CNTN2: variants seen among roughly 807,000 people sequenced by gnomAD.
The protein encoded by CNTN2 is contactin-2.
In CNTN2, 53 loss-of-function variants were observed where a neutral mutation model predicts 117.5. That is an observed-to-expected ratio of 0.45 (90% CI 0.36 to 0.57). The LOEUF (loss-of-function observed/expected upper bound fraction) is 0.57, where lower values mean the gene tolerates loss of function less well. Ranked by LOEUF, CNTN2 falls within the 20% of genes least tolerant of loss-of-function variation. CNTN2 has a pLI of 0.00. For synonymous variants in CNTN2, 530 were observed against 561.7 expected (o/e 0.94, Z 0.80); for missense variants, 1,106 against 1,404.3 (o/e 0.79, Z 3.39).
Position 205,077,722 on chromosome 1 carries a change from C to T in CNTN2, c.*3957C>T, listed in dbSNP as rs910497401. ...AGCTTTGGCCACAGCCCCAGGCAGC[C>T]TTTGGGGCCTATGACACTTAGTGCC... On this transcript the variant is annotated 3_prime_UTR_variant, in exon 23 of 23. Coordinates refer to ENST00000331830, the MANE Select transcript of CNTN2 (RefSeq NM_005076.5). The T allele has an allele frequency of 6.6e-6, 1 of 152,298 alleles. No homozygotes were observed. The highest frequency in any genetic ancestry group is 2.4e-5 in the African/African-American group (1 of 41,444). The allele number at this position is 152,298 out of a possible 1,614,324, so 9.4% of individuals were successfully genotyped here. A position where few individuals can be genotyped will look rare whatever the true frequency, so the allele number is the denominator to read the frequency against.
Position 205,059,846 on chromosome 1 carries a change from C to A in CNTN2, c.797+164C>A, listed in dbSNP as rs871423. On this transcript the variant is annotated intron_variant, in intron 7 of 22. Coordinates refer to ENST00000331830, the MANE Select transcript of CNTN2 (RefSeq NM_005076.5). The surrounding 1 kb of genome is among the most constrained non-coding windows in gnomAD (Gnocchi z 5.6). ...ATCGACCACCACTCACTGGACAGTA[C>A]CTCTCTGGGTGAGGCATCGCATATG... The A allele has an allele frequency of 0.21, 129,010 of 615,484 alleles. 17,101 individuals carry two copies. Among genetic ancestry groups the A allele is most frequent in the East Asian group, 0.48 (17,433 of 36,072 alleles). The allele number at this position is 615,484 out of a possible 1,614,324, so 38.1% of individuals were successfully genotyped here.
At position 205,061,239 on chromosome 1, in the gene CNTN2, T is replaced by C. The variant is rs1653961485; in HGVS notation, c.798-6T>C. Reference sequence around the variant, plus strand: ...CCACACCCTCTGGCTTTGTCTCTCCTGCCAGCCCTGTCCCCCGGATCAAGT... The same window carrying C: ...CCACACCCTCTGGCTTTGTCTCTCCCGCCAGCCCTGTCCCCCGGATCAAGT... On this transcript the variant is annotated splice_region_variant and splice_polypyrimidine_tract_variant and intron_variant, in intron 7 of 22. Coordinates refer to ENST00000331830, the MANE Select transcript of CNTN2 (RefSeq NM_005076.5). The surrounding 1 kb of genome is among the most constrained non-coding windows in gnomAD (Gnocchi z 4.8). 3 of 1,602,796 alleles carry C rather than the reference T, an allele frequency of 1.9e-6. No individual in the cohort carries two copies. In the East Asian group the frequency reaches 6.7e-5, roughly 36 times the overall value.
chr1:205,050,362 C>T (rs1359970872), intron 1 of CNTN2, among the ~76,000 whole-genome samples: 1 of 151,588 alleles, frequency 6.6e-6, no homozygotes, highest in Non-Finnish European at 1.5e-5. Flanking sequence ...CCAGGAAGAA[C>T]GGAAGACCTG....
In CNTN2 at chr1:205,058,572, G is replaced by A; in HGVS notation, c.396G>A (p.Leu132=). ...GCCCCTGGTCTCTGCCTCCAGTTCTGCAGGAATTCTCCAAGGAGGAGCGAG... is the reference window on the plus strand; with the variant it reads ...GCCCCTGGTCTCTGCCTCCAGTTCTACAGGAATTCTCCAAGGAGGAGCGAG... The part of the protein sequence containing the change: ...SREAILRFGF[L]QEFSKEERDP... Residue 132 remains leucine (L), a synonymous_variant, in exon 5 of 23, where the codon CTG becomes CTA. Transcript: ENST00000331830. This position sits in a 1 kb window ranked among gnomAD's most constrained non-coding sequence, Gnocchi z 4.3. 3 of 1,613,750 alleles carry A rather than the reference G, an allele frequency of 1.9e-6. No homozygotes were observed. Among genetic ancestry groups the A allele is most frequent in the Non-Finnish European group, 2.5e-6 (3 of 1,179,978 alleles).
chr1:205,061,579 G>T lies in CNTN2; in HGVS notation c.973+159G>T, dbSNP rs917667450. On this transcript the variant is annotated intron_variant, in intron 8 of 22. Transcript: ENST00000331830. This position sits in a 1 kb window ranked among gnomAD's most constrained non-coding sequence, Gnocchi z 4.8. ...CTGCACTGAGTCTGGGACCAGAGGA[G>T]GCTAGTGCTGTGGTCACCTCAGAGC... 3.3e-5 allele frequency: 30 copies of T among 908,754 alleles called. No homozygotes were observed. The highest frequency in any genetic ancestry group is 4.2e-5 in the Non-Finnish European group (26 of 622,950). The allele number at this position is 908,754 out of a possible 1,614,324, so 56.3% of individuals were successfully genotyped here. A position where few individuals can be genotyped will look rare whatever the true frequency, so the allele number is the denominator to read the frequency against.
chr1:205,043,577 G>C (rs1240090607), intron 1 of CNTN2, among the ~76,000 whole-genome samples, 183 bp downstream of exon 1: 3 of 152,128 alleles, frequency 2.0e-5, no homozygotes, highest in Non-Finnish European at 4.4e-5. Flanking sequence ...TGGGTGCTGG[G>C]GCTCCCCTCC....
At chr1:205,047,261 C>T (rs535968777) in intron 1 of CNTN2, among the ~76,000 whole-genome samples, 4 of 152,254 alleles carry the variant, frequency 2.6e-5, no homozygotes, top group African/African-American at 9.6e-5. Flanking sequence ...ACAGAGACCC[C>T]TCAGTCACAA....
chr1:205,070,384 G>T (rs770527730), intron 18 of CNTN2, 42 bp from the exon 19 acceptor site: 16 of 1,414,228 alleles, frequency 1.1e-5, no homozygotes, highest in Non-Finnish European at 1.6e-5. Context: ...CAGGACACAG[G>T]GGGGCCCTGG....
At chr1:205,067,823 G>A (rs918427549) in intron 16 of CNTN2, 1 of 151,372 alleles carries the variant, frequency 6.6e-6, no homozygotes, top group African/African-American at 2.4e-5. Flanking sequence ...AGCTACTCGG[G>A]AGGCTGAAGC....
chr1:205,058,756 G>A lies in CNTN2; in HGVS notation c.487+93G>A, dbSNP rs116612010. On this transcript the variant is annotated intron_variant, in intron 5 of 22. Coordinates refer to ENST00000331830, the MANE Select transcript of CNTN2 (RefSeq NM_005076.5). This position sits in a 1 kb window ranked among gnomAD's most constrained non-coding sequence, Gnocchi z 4.3. ...AGGATGGAATAAAAGGAGACCCCTG[G>A]AAATGACCCTTAGAAGCACCCATCC... 2,492 of 985,854 alleles carry A rather than the reference G, an allele frequency of 2.5e-3. 54 individuals carry two copies. In the African/African-American group the frequency reaches 0.035, roughly 14 times the overall value. 61.1% of individuals were successfully genotyped at this position (985,854 alleles called of 1,614,324 possible). A position where few individuals can be genotyped will look rare whatever the true frequency, so the allele number is the denominator to read the frequency against.
In CNTN2 at chr1:205,065,063, C is replaced by T. The variant is rs1268750732; in HGVS notation, c.1520-24C>T. The T allele has an allele frequency of 6.2e-7, 1 of 1,612,624 alleles. No individual in the cohort carries two copies. Among genetic ancestry groups the T allele is most frequent in the African/African-American group, 1.3e-5 (1 of 74,912 alleles). Reference sequence around the variant, plus strand: ...GGGCCCATTTCCTCCCCCATCCACCCAAGGGCCTTGTTTTTCTTGGCAGAT... The same window carrying T: ...GGGCCCATTTCCTCCCCCATCCACCTAAGGGCCTTGTTTTTCTTGGCAGAT... On this transcript the variant is annotated intron_variant, in intron 12 of 22. Coordinates refer to ENST00000331830, the MANE Select transcript of CNTN2 (RefSeq NM_005076.5). The surrounding 1 kb of genome is among the most constrained non-coding windows in gnomAD (Gnocchi z 4.1).
rs1008290366 is a variant in CNTN2, at chr1:205,065,039, G to A, written c.1520-48G>A. The A allele has an allele frequency of 1.3e-6, 2 of 1,598,130 alleles. No homozygotes were observed. The highest frequency in any genetic ancestry group is 1.1e-5 in the South Asian group (1 of 89,858). On this transcript the variant is annotated intron_variant, in intron 12 of 22. Coordinates refer to ENST00000331830, the MANE Select transcript of CNTN2 (RefSeq NM_005076.5). This position sits in a 1 kb window ranked among gnomAD's most constrained non-coding sequence, Gnocchi z 4.1. ...CAGCCTGCCCTGCGGACCCGGCCTG[G>A]GCCCATTTCCTCCCCCATCCACCCA...
chr1:205,051,274 G>A (rs2096452293), intron 1 of CNTN2, among the ~76,000 whole-genome samples: 1 of 152,202 alleles, frequency 6.6e-6, no homozygotes, highest in South Asian at 2.1e-4. Flanking sequence ...AGTTCTACAG[G>A]CAGGGTACCA....
In CNTN2 at chr1:205,073,483, T is replaced by C. The variant is rs1654703539; in HGVS notation, c.3014-173T>C. 4 of 719,554 alleles carry C rather than the reference T, an allele frequency of 5.6e-6. No homozygotes were observed. The highest frequency in any genetic ancestry group is 1.8e-5 in the South Asian group (1 of 56,280). 44.6% of individuals were successfully genotyped at this position (719,554 alleles called of 1,614,324 possible). Reference sequence around the variant, plus strand: ...GGGGAGGCTGAGGACCAACCAGCAATAGCAAACGGCCTACAAAGCACCGTA... The same window carrying C: ...GGGGAGGCTGAGGACCAACCAGCAACAGCAAACGGCCTACAAAGCACCGTA... On this transcript the variant is annotated intron_variant, in intron 22 of 22. Coordinates refer to ENST00000331830, the MANE Select transcript of CNTN2 (RefSeq NM_005076.5). This position sits in a 1 kb window ranked among gnomAD's most constrained non-coding sequence, Gnocchi z 6.3.
rs1220854012 is a variant in CNTN2 at position 205,070,497 on chromosome 1, C to A, written c.2503C>A (p.Pro835Thr). 1.2e-6 allele frequency: 2 copies of A among 1,613,980 alleles called. No homozygotes were observed. Among genetic ancestry groups the A allele is most frequent in the African/African-American group, 2.7e-5 (2 of 75,038 alleles). ...CTCAGAGATGAACGTGACCTGGGAA[C>A]CCGTGCAGCAGGACATGAATGGTAT... ...SSSEMNVTWEPVQQDMNGILL... is the reference protein window; with the variant it reads ...SSSEMNVTWETVQQDMNGILL... The change falls in exon 19 of 23, where the codon CCC becomes ACC. Residue 835 changes from proline to threonine, a missense_variant. Coordinates refer to ENST00000331830, the MANE Select transcript of CNTN2 (RefSeq NM_005076.5).
At position 205,074,427 on chromosome 1, in the gene CNTN2, G is replaced by T; in HGVS notation, c.*662G>T. On this transcript the variant is annotated 3_prime_UTR_variant, in exon 23 of 23. Transcript: ENST00000331830. ...ATACTCCAGGCTGTTTGGGGTGGGA[G>T]CCAAAAAGAGTTGAGAGGCCAGGGC... 2.5e-6 allele frequency: 1 copy of T among 399,224 alleles called. No homozygotes were observed. The highest frequency in any genetic ancestry group is 4.4e-6 in the Non-Finnish European group (1 of 226,416). The allele number at this position is 399,224 out of a possible 1,614,324, so 24.7% of individuals were successfully genotyped here.
intron 16 of CNTN2, chr1:205,067,469 C>G (rs2151196799): frequency 2.2e-6 from 1 of 461,310 alleles, no homozygotes; most frequent in East Asian, 3.4e-5. Context: ...ACTGGCCAAC[C>G]TTACAACTGC....
At chr1:205,072,638 T>TAGCG (rs767491980) in intron 21 of CNTN2, 43 bp downstream of exon 21, 7 of 1,431,448 alleles carry the variant, frequency 4.9e-6, no homozygotes, top group Non-Finnish European at 6.9e-6. Context: ...AAGGAACAGC[T>TAGCG]CCTCTGTGTT....
intron 14 of CNTN2, chr1:205,066,213 C>T: frequency 1.6e-6 from 1 of 617,642 alleles, no homozygotes. Flanking sequence ...CTCCATGTGA[C>T]AGCCTCTGTG....
Sources: allele counts gnomAD v4.1 joint callset (sites outside exome capture counted in the v4.1 genomes callset), GRCh38; gene constraint gnomAD v4.1.1; non-coding constraint Gnocchi (gnomAD v3.1); transcripts MANE v1.5; gene names NCBI Gene and HGNC (gene_info 2026-07-23, HGNC 2026-07-21).